Variants in CDC25A observed in about 807,000 individuals in gnomAD.
CDC25A encodes cell division cycle 25A.
CDC25A carries 17 observed loss-of-function variants against 64.6 expected under a neutral mutation model. That is an observed-to-expected ratio of 0.26 (90% CI 0.18 to 0.39). CDC25A has a LOEUF of 0.39. Among genes scored for constraint, CDC25A ranks in the 10% least tolerant of loss-of-function variants. The pLI, the probability that CDC25A is intolerant of heterozygous loss-of-function variation, is 1.00. For synonymous variants in CDC25A, 229 were observed against 238.6 expected, an observed-to-expected ratio of 0.96 and a Z score of 0.37; for missense variants, 473 against 654.8, an observed-to-expected ratio of 0.72 and a Z score of 3.03.
intron 6 of CDC25A, chr3:48,180,216 G>C (rs3731509): frequency 0.011 from 1,742 of 152,456 alleles, 23 homozygotes; most frequent in Middle Eastern, 0.024. Flanking sequence ...ATGGCACCTG[G>C]CCCATAACTG....
chr3:48,164,703 G>C (rs1342890093), intron 12 of CDC25A, among the ~76,000 whole-genome samples: 2 of 152,030 alleles, frequency 1.3e-5, no homozygotes, highest in Non-Finnish European at 2.9e-5. Flanking sequence ...ACACTTTATA[G>C]GTAGTTTTAT....
At chr3:48,172,633 C>T (rs952945851) in intron 9 of CDC25A, among the ~76,000 whole-genome samples, 1 of 152,170 alleles carries the variant, frequency 6.6e-6, no homozygotes, top group Non-Finnish European at 1.5e-5. Flanking sequence ...GAGGCCAAGG[C>T]GGGAGGATTG....
chr3:48,160,436 A>T (rs1188858409), intron 13 of CDC25A, among the ~76,000 whole-genome samples: 4 of 131,218 alleles, frequency 3.0e-5, no homozygotes, highest in Non-Finnish European at 6.3e-5. Flanking sequence ...TTTGAGATGG[A>T]GTCTCACTCT....
chr3:48,168,360 C>CCACACACCCA (rs2032124502), intron 9 of CDC25A, among the ~76,000 whole-genome samples: 1 of 106,538 alleles, frequency 9.4e-6, no homozygotes, highest in Non-Finnish European at 1.8e-5. Flanking sequence ...AAGACCCTGT[C>CCACACACCCA]CACACACACA....
intron 8 of CDC25A, among the ~76,000 whole-genome samples, chr3:48,175,962 C>T (rs2032440118): frequency 6.6e-6 from 1 of 152,080 alleles, no homozygotes; most frequent in African/African-American, 2.4e-5. Context: ...GTCAAGAGTT[C>T]GAGACCAGCC....
intron 1 of CDC25A, among the ~76,000 whole-genome samples, chr3:48,187,474 A>G (rs1045760315): frequency 6.6e-6 from 1 of 152,336 alleles, no homozygotes; most frequent in African/African-American, 2.4e-5. Context: ...GTAGATTCCA[A>G]AGAGCTTCCA....
At position 48,165,819 on chromosome 3, in the gene CDC25A, G is replaced by C; in HGVS notation, c.1092+12C>G. On this transcript the variant is annotated intron_variant, in intron 11 of 14. Transcript: ENST00000302506. ...ACCCGATGTGTGGTGGGTTTCAAAA[G>C]GATGGACTTACAATTTCTGGAGAGA... 1.2e-6 allele frequency: 2 copies of C among 1,605,922 alleles called. No homozygotes were observed. Among genetic ancestry groups the C allele is most frequent in the South Asian group, 2.2e-5 (2 of 90,906 alleles).
chr3:48,180,946 ATTAAAG>A (rs2032645544), intron 5 of CDC25A, 106 bp from the exon 6 acceptor site: 2 of 1,082,804 alleles, frequency 1.8e-6, no homozygotes, highest in Non-Finnish European at 2.7e-6. Flanking sequence ...CTGCCTCCAA[ATTAAAG>A]TTTCACCTAA....
intron 10 of CDC25A, among the ~76,000 whole-genome samples, chr3:48,166,498 G>T (rs1459142610): frequency 6.6e-6 from 1 of 152,150 alleles, no homozygotes; most frequent in Non-Finnish European, 1.5e-5. Context: ...CTTTTGTCAA[G>T]AATCCACACG....
chr3:48,178,571 C>T (rs2032551513), intron 6 of CDC25A, among the ~76,000 whole-genome samples: 1 of 152,156 alleles, frequency 6.6e-6, no homozygotes, highest in Non-Finnish European at 1.5e-5. Context: ...CAATAGAAGC[C>T]TCACAATACA....
intron 10 of CDC25A, among the ~76,000 whole-genome samples, chr3:48,166,145 C>T (rs557367434): frequency 6.6e-6 from 1 of 152,118 alleles, no homozygotes; most frequent in South Asian, 2.1e-4. Flanking sequence ...ATTAGCCGGG[C>T]GTTAGCATGC....
chr3:48,173,672 TC>T (rs2032351137), intron 9 of CDC25A, among the ~76,000 whole-genome samples: 1 of 152,092 alleles, frequency 6.6e-6, no homozygotes, highest in South Asian at 2.1e-4. Context: ...ATGAGACAAG[TC>T]CCCACCCAAG....
chr3:48,181,874 T>A (rs2032684199), intron 5 of CDC25A: 2 of 531,590 alleles, frequency 3.8e-6, no homozygotes, highest in Non-Finnish European at 6.7e-6. Flanking sequence ...GTGCATTAAC[T>A]TTTTAACCAT....
At chr3:48,178,466 T>C (rs143608300) in intron 6 of CDC25A, among the ~76,000 whole-genome samples, 1 of 152,220 alleles carries the variant, frequency 6.6e-6, no homozygotes, top group African/African-American at 2.4e-5. Flanking sequence ...ATAAAATCTA[T>C]CCTCGTTCTT....
rs2032637138 is a variant in CDC25A at position 48,180,756 on chromosome 3, A to G, written c.514T>C (p.Phe172Leu). 2.5e-6 allele frequency: 4 copies of G among 1,614,152 alleles called. No homozygotes were observed. In the East Asian group the frequency reaches 8.9e-5, roughly 36 times the overall value. The change falls in exon 6 of 15, where the codon TTC becomes CTC. Residue 172 changes from phenylalanine (F) to leucine (L), a missense_variant. Coordinates refer to ENST00000302506, the MANE Select transcript of CDC25A (RefSeq NM_001789.3). ...SHGLQEGKDLFTQRQNSAPAR... is the reference protein window; with the variant it reads ...SHGLQEGKDLLTQRQNSAPAR... Reference sequence around the variant, plus strand: ...GGGGCAGAGTTCTGCCTCTGTGTGAAGAGATCTTTACCCTCCTGGAGTCCA... The same window carrying G: ...GGGGCAGAGTTCTGCCTCTGTGTGAGGAGATCTTTACCCTCCTGGAGTCCA...
chr3:48,170,109 C>T (rs2032212611), intron 9 of CDC25A, among the ~76,000 whole-genome samples: 1 of 152,004 alleles, frequency 6.6e-6, no homozygotes, highest in Non-Finnish European at 1.5e-5. Context: ...TTTCTTATTC[C>T]CTCACTCAAC....
intron 12 of CDC25A, 120 bp downstream of exon 12, chr3:48,165,516 T>C (rs565041575): frequency 3.0e-6 from 2 of 673,252 alleles, no homozygotes; most frequent in East Asian, 2.6e-5. Context: ...CTCACTGTAT[T>C]GTTTCAAAAT....
rs2031914088 is a variant in CDC25A, at chr3:48,164,361, T to C, written c.1268A>G (p.Lys423Arg). The C allele has an allele frequency of 1.2e-6, 2 of 1,603,624 alleles. No individual in the cohort carries two copies. Among genetic ancestry groups the C allele is most frequent in the Non-Finnish European group, 1.7e-6 (2 of 1,176,342 alleles). The change falls in exon 13 of 15, where the codon AAG becomes AGG. Residue 423 changes from lysine (K) to arginine (R), a missense_variant. Coordinates refer to ENST00000302506, the MANE Select transcript of CDC25A (RefSeq NM_001789.3). ...LKKPIVPTDGKRVIVVFHCEF... is the reference protein window; with the variant it reads ...LKKPIVPTDGRRVIVVFHCEF... ...GCAGTGAAACACAACAATGACACGCTTGCCATCAGTAGGTACAATGGGCTT... is the reference window on the plus strand; with the variant it reads ...GCAGTGAAACACAACAATGACACGCCTGCCATCAGTAGGTACAATGGGCTT...
chr3:48,176,926 GTGCCAC>G (rs1246505518), intron 8 of CDC25A, among the ~76,000 whole-genome samples: 1 of 151,394 alleles, frequency 6.6e-6, no homozygotes, highest in Non-Finnish European at 1.5e-5. Context: ...AGCCAAGATT[GTGCCAC>G]TGCACTCTAG....
Sources: gnomAD v4.1 joint callset for allele counts (sites outside exome capture counted in the v4.1 genomes callset) on GRCh38, gnomAD v4.1.1 for gene constraint, MANE v1.5 for transcripts, NCBI Gene and HGNC (gene_info 2026-07-23, HGNC 2026-07-21) for gene names.